Variants in AGO1 observed in about 807,000 individuals in gnomAD.
AGO1 encodes protein argonaute-1.
In AGO1, 11 loss-of-function variants were observed where a neutral mutation model predicts 109.2. That is an observed-to-expected ratio of 0.10 (90% CI 0.06 to 0.17). AGO1 has a LOEUF of 0.17. Among genes scored for constraint, AGO1 ranks in the 10% least tolerant of loss-of-function variants. AGO1 has a pLI of 1.00. For synonymous variants in AGO1, 422 were observed against 418.6 expected (o/e 1.01, Z -0.10); for missense variants, 574 against 1,140.3 (o/e 0.50, Z 7.15).
chr1:35,912,981 A>C (rs1308895699), intron 12 of AGO1, among the ~76,000 whole-genome samples: 1 of 151,642 alleles, frequency 6.6e-6, no homozygotes, highest in Non-Finnish European at 1.5e-5. Context: ...TATCTGTGGA[A>C]TCCATTTGTT....
At chr1:35,875,382 CA>C (rs1223260733) in intron 1 of AGO1, among the ~76,000 whole-genome samples, 2 of 151,548 alleles carry the variant, frequency 1.3e-5, no homozygotes, top group Non-Finnish European at 2.9e-5. Flanking sequence ...GATGATAGCA[CA>C]TTTTTTTTTT....
At chr1:35,880,194 A>T (rs550585601), upstream of AGO1, among the ~76,000 whole-genome samples, 1 of 152,052 alleles carries the variant, frequency 6.6e-6, no homozygotes, top group Non-Finnish European at 1.5e-5. Context: ...AGGAACTTAG[A>T]TGGTAGTGTG....
At chr1:35,910,444 GT>G (rs914181672) in intron 12 of AGO1, among the ~76,000 whole-genome samples, 1 of 151,754 alleles carries the variant, frequency 6.6e-6, no homozygotes, top group Non-Finnish European at 1.5e-5. Flanking sequence ...AATCTTACAT[GT>G]TTAGCTCAGT....
upstream of AGO1, chr1:35,883,126 T>C (rs1645055039): frequency 9.1e-7 from 1 of 1,097,700 alleles, no homozygotes; most frequent in Non-Finnish European, 1.1e-6. The surrounding 1 kb of genome is among the most constrained non-coding windows in gnomAD (Gnocchi z 5.4). Context: ...CCCCCGCCCC[T>C]CTCCATTGGC....
At chr1:35,875,976 T>G (rs1053894460) in intron 1 of AGO1, among the ~76,000 whole-genome samples, 4 of 152,212 alleles carry the variant, frequency 2.6e-5, no homozygotes, top group Non-Finnish European at 4.4e-5. Flanking sequence ...CTGGGCAAAG[T>G]AAATTGAAAA....
Position 35,921,338 on chromosome 1 carries a change from C to T in AGO1, c.*1731C>T, listed in dbSNP as rs1206886008. The T allele has an allele frequency of 7.2e-6, 1 of 139,454 alleles. No individual in the cohort carries two copies. The highest frequency in any genetic ancestry group is 2.7e-5 in the African/African-American group (1 of 36,758). 8.6% of individuals were successfully genotyped at this position (139,454 alleles called of 1,614,324 possible). A position where few individuals can be genotyped will look rare whatever the true frequency, so the allele number is the denominator to read the frequency against. On this transcript the variant is annotated 3_prime_UTR_variant, in exon 19 of 19. Transcript: ENST00000373204. Reference sequence around the variant, plus strand: ...CATGGGGTTTGGCTGTCTTGCAGGACTGGAGAAGGTGGTGGTTCTAGCTTG... The same window carrying T: ...CATGGGGTTTGGCTGTCTTGCAGGATTGGAGAAGGTGGTGGTTCTAGCTTG...
rs1645719104 is a variant in AGO1 at position 35,915,539 on chromosome 1, C to A, written c.2025C>A (p.Pro675=). 6.2e-7 allele frequency: 1 copy of A among 1,613,636 alleles called. No homozygotes were observed. The change falls in exon 15 of 19, where the codon CCC becomes CCA. Residue 675 remains proline, a synonymous_variant. Transcript: ENST00000373204. ...YRDGVPEGQL[P]QILHYELLAI... ...ATGGGGTGCCTGAAGGCCAGCTACC[C>A]CAGGTAGGGCCCACAGTAGGTGGAG...
chr1:35,913,180 T>C (rs924395415), intron 12 of AGO1, among the ~76,000 whole-genome samples: 36 of 152,102 alleles, frequency 2.4e-4, no homozygotes, highest in Admixed American at 2.3e-3. Context: ...CCACCATGCC[T>C]GGCTAATTTT....
At chr1:35,881,276 C>T (rs532265196), upstream of AGO1, among the ~76,000 whole-genome samples, 4 of 152,212 alleles carry the variant, frequency 2.6e-5, no homozygotes, top group East Asian at 1.9e-4. Context: ...CCTACTGAAT[C>T]GAAAACTCTA....
Position 35,903,545 on chromosome 1 carries a change from C to T in AGO1, c.1397+1208C>T, listed in dbSNP as rs191564107. On this transcript the variant is annotated intron_variant, in intron 11 of 18. Transcript: ENST00000373204. ...GTATGCCATGACGAATTCAGCTGACCTTGGAGTCATCATGAGAATTCGTTC... is the reference window on the plus strand; with the variant it reads ...GTATGCCATGACGAATTCAGCTGACTTTGGAGTCATCATGAGAATTCGTTC... Among the ~76,000 whole-genome samples, 224 of 152,182 alleles carry T rather than the reference C, an allele frequency of 1.5e-3. 1 individual carries two copies. The highest frequency in any genetic ancestry group is 5.1e-3 in the African/African-American group (213 of 41,532).
intron 12 of AGO1, among the ~76,000 whole-genome samples, chr1:35,908,584 T>C (rs1014546665): frequency 1.6e-4 from 25 of 152,342 alleles, no homozygotes; most frequent in African/African-American, 5.5e-4. Context: ...AGATATAGTC[T>C]CTGCTCTTAG....
chr1:35,875,453 G>A (rs905366844), intron 1 of AGO1, among the ~76,000 whole-genome samples: 7 of 151,682 alleles, frequency 4.6e-5, no homozygotes, highest in African/African-American at 7.3e-5. Flanking sequence ...TCGCTTTGTC[G>A]CCCAGGCTGG....
upstream of AGO1, among the ~76,000 whole-genome samples, chr1:35,881,022 A>G (rs946881019): frequency 6.6e-6 from 1 of 152,208 alleles, no homozygotes; most frequent in African/African-American, 2.4e-5. Context: ...GGTAGGTACT[A>G]TTACCACTGC....
rs542609382 is a variant in AGO1, at chr1:35,874,344, T to C, written c.-201+4441T>C. Among the ~76,000 whole-genome samples the C allele has an allele frequency of 4.0e-3, 602 of 152,248 alleles. 6 individuals are homozygous for C. Among genetic ancestry groups the C allele is most frequent in the African/African-American group, 0.014 (575 of 41,532 alleles). On this transcript the variant is annotated intron_variant, in intron 1 of 18. Transcript: ENST00000373206. ...CACCATGCCTGGCTCATTTAAAAGT[T>C]TTTTGTTGTTGTTGTAGAGATGGAG...
chr1:35,912,355 T>C (rs1645649428), intron 12 of AGO1, among the ~76,000 whole-genome samples: 3 of 106,714 alleles, frequency 2.8e-5, no homozygotes, highest in Admixed American at 1.1e-4. Context: ...CGAGACTCTG[T>C]CTCAGAAAAA....
chr1:35,896,996 T>C (rs1188459875), intron 8 of AGO1, among the ~76,000 whole-genome samples: 1 of 152,222 alleles, frequency 6.6e-6, no homozygotes, highest in Non-Finnish European at 1.5e-5. Context: ...TAGACCTTGA[T>C]TTCTGTTGTT....
chr1:35,878,179 A>G (rs1040552346), intron 1 of AGO1, among the ~76,000 whole-genome samples: 3 of 151,112 alleles, frequency 2.0e-5, no homozygotes, highest in Non-Finnish European at 4.4e-5. Flanking sequence ...TGCCTCCCGG[A>G]TTCACGCCAT....
At chr1:35,892,957 T>C in intron 3 of AGO1, 140 bp from the exon 4 acceptor site, 1 of 964,168 alleles carries the variant, frequency 1.0e-6, no homozygotes, top group Non-Finnish European at 1.5e-6. Flanking sequence ...GGCTAGAACC[T>C]AAGGGGCTAG....
In AGO1 at chr1:35,920,775, T is replaced by C. The variant is rs914485906; in HGVS notation, c.*1168T>C. The C allele has an allele frequency of 2.6e-5, 4 of 152,658 alleles. No individual in the cohort carries two copies. The highest frequency in any genetic ancestry group is 9.6e-5 in the African/African-American group (4 of 41,456). The allele number at this position is 152,658 out of a possible 1,614,324, so 9.5% of individuals were successfully genotyped here. A position where few individuals can be genotyped will look rare whatever the true frequency, so the allele number is the denominator to read the frequency against. On this transcript the variant is annotated 3_prime_UTR_variant, in exon 19 of 19. Transcript: ENST00000373204. ...TCTTTTCTCCCTTGATGGTCAAGTCTCTTATGTTTCAATATTTCTTAACTG... is the reference window on the plus strand; with the variant it reads ...TCTTTTCTCCCTTGATGGTCAAGTCCCTTATGTTTCAATATTTCTTAACTG...
Sources: gnomAD v4.1 joint callset for allele counts (sites outside exome capture counted in the v4.1 genomes callset) on GRCh38, gnomAD v4.1.1 for gene constraint, Gnocchi (gnomAD v3.1) non-coding constraint, MANE v1.5 for transcripts, NCBI Gene and HGNC (gene_info 2026-07-23, HGNC 2026-07-21) for gene names.